Variants in SERPINB8 observed in about 807,000 individuals in gnomAD.
The protein encoded by SERPINB8 is serpin family B member 8.
Under a neutral mutation model 35.3 loss-of-function variants are expected in SERPINB8, and 25 were observed. That is an observed-to-expected ratio of 0.71 (90% confidence interval 0.52 to 0.99). SERPINB8 has a LOEUF of 0.99. SERPINB8 is among the 50% of genes least tolerant of loss of function. SERPINB8 has a pLI of 0.00. For missense variants in SERPINB8, 484 were observed against 446.5 expected, an observed-to-expected ratio of 1.08 and a Z score of -0.76; for synonymous variants, 186 against 160.8, an observed-to-expected ratio of 1.16 and a Z score of -1.19.
chr18:63,981,708 T>C lies in SERPINB8; in HGVS notation c.307-13T>C. The C allele has an allele frequency of 6.4e-7, 1 of 1,562,874 alleles. No individual in the cohort carries two copies. Reference sequence around the variant, plus strand: ...TACCAAATGAGACTAAACTCAGTGTTTTGTGTTTGCAGGACTTTAAAGAAT... The same window carrying C: ...TACCAAATGAGACTAAACTCAGTGTCTTGTGTTTGCAGGACTTTAAAGAAT... On this transcript the variant is annotated splice_polypyrimidine_tract_variant and intron_variant, in intron 3 of 6. Transcript: ENST00000397985.
At chr18:63,985,014 G>C (rs1309506841) in intron 5 of SERPINB8, 79 bp from the exon 6 acceptor site, 2 of 1,438,006 alleles carry the variant, frequency 1.4e-6, no homozygotes, top group East Asian at 4.6e-5. Flanking sequence ...CACACCTAGA[G>C]TTTCTGTGAG....
intron 1 of SERPINB8, among the ~76,000 whole-genome samples, chr18:63,976,750 A>C (rs1334657284): frequency 6.6e-6 from 1 of 152,210 alleles, no homozygotes; most frequent in Non-Finnish European, 1.5e-5. Context: ...AGGAGGATCC[A>C]AAAATCAATG....
downstream of SERPINB8, among the ~76,000 whole-genome samples, chr18:63,993,813 G>C (rs2050835824): frequency 6.6e-6 from 1 of 152,222 alleles, no homozygotes; most frequent in Non-Finnish European, 1.5e-5. Flanking sequence ...GCATTGAAGT[G>C]TCCAGTGGGA....
intron 1 of SERPINB8, among the ~76,000 whole-genome samples, chr18:63,971,154 T>A (rs2050472399): frequency 6.6e-6 from 1 of 152,180 alleles, no homozygotes; most frequent in Non-Finnish European, 1.5e-5. Context: ...GGTCTCAGTC[T>A]CCGTTTCGCG....
chr18:63,986,927 G>T lies in SERPINB8; in HGVS notation c.774G>T (p.Lys258Asn). 2 of 1,613,778 alleles carry T rather than the reference G, an allele frequency of 1.2e-6. No individual in the cohort carries two copies. The highest frequency in any genetic ancestry group is 1.7e-6 in the Non-Finnish European group (2 of 1,179,940). Reference sequence around the variant, plus strand: ...TCAAAGCCTGGACAAATTCAGAAAAGTTGACAAAAAGTAAGGTTCAAGTTT... The same window carrying T: ...TCAAAGCCTGGACAAATTCAGAAAATTTGACAAAAAGTAAGGTTCAAGTTT... ...EKFKAWTNSE[K>N]LTKSKVQVFL... is the part of the protein sequence containing the mutation. The change falls in exon 7 of 7, where the codon AAG (lysine) becomes AAT (asparagine). Residue 258 changes from lysine to asparagine, a missense_variant. Lys to Asn is a moderately conservative substitution (Grantham distance 94). Transcript: ENST00000397985.
chr18:63,982,491 G>A (rs776101212), intron 4 of SERPINB8, among the ~76,000 whole-genome samples: 3 of 152,240 alleles, frequency 2.0e-5, no homozygotes, highest in Middle Eastern at 3.4e-3. Flanking sequence ...ACTTGTAAAC[G>A]GTGGAGGAAT....
intron 1 of SERPINB8, among the ~76,000 whole-genome samples, chr18:64,003,753 G>A (rs934305922): frequency 1.3e-5 from 2 of 152,128 alleles, no homozygotes; most frequent in African/African-American, 4.8e-5. Flanking sequence ...TCCAGTGTCA[G>A]GCAGGTGAAA....
At chr18:63,994,969 G>T (rs1308161796) in intron 1 of SERPINB8, among the ~76,000 whole-genome samples, 2 of 152,128 alleles carry the variant, frequency 1.3e-5, no homozygotes, top group Non-Finnish European at 2.9e-5. Flanking sequence ...AGGCAAAGAT[G>T]ACTATCCGGC....
chr18:63,987,096 C>T lies in SERPINB8; in HGVS notation c.943C>T (p.His315Tyr), dbSNP rs767242747. The T allele has an allele frequency of 2.5e-6, 4 of 1,614,040 alleles. No individual in the cohort carries two copies. Among genetic ancestry groups the T allele is most frequent in the Non-Finnish European group, 2.5e-6 (3 of 1,180,044 alleles). ...GAATGTGCCTCTGTCCAAGGTTGCC[C>T]ACAAGTGCTTCGTGGAGGTCAATGA... Reference protein sequence around the residue: ...EKNVPLSKVAHKCFVEVNEEG... With the variant: ...EKNVPLSKVAYKCFVEVNEEG... The change falls in exon 7 of 7, where the codon CAC (histidine) becomes TAC (tyrosine). Residue 315 changes from histidine to tyrosine, a missense_variant. His to Tyr is a moderately conservative substitution (Grantham distance 83, BLOSUM62 2). Transcript: ENST00000397985.
In SERPINB8 at chr18:63,970,791, C is replaced by A. The variant is rs149964033; in HGVS notation, c.-11+621C>A. On this transcript the variant is annotated intron_variant, in intron 1 of 6. Transcript: ENST00000397985. ...CTTCTCCTTCCCTTCCTGTCCCCCCCCTCCGTTCTTTCCACCCCTGCCTTC... is the reference window on the plus strand; with the variant it reads ...CTTCTCCTTCCCTTCCTGTCCCCCCACTCCGTTCTTTCCACCCCTGCCTTC... 1.6e-3 allele frequency among the ~76,000 whole-genome samples: 240 copies of A among 152,290 alleles called. 1 individual carries two copies. Among genetic ancestry groups the A allele is most frequent in the African/African-American group, 5.1e-3 (210 of 41,570 alleles).
At chr18:64,003,142 C>T (rs1408437607) in intron 1 of SERPINB8, among the ~76,000 whole-genome samples, 1 of 152,224 alleles carries the variant, frequency 6.6e-6, no homozygotes, top group Non-Finnish European at 1.5e-5. Context: ...TAAGTGCAAG[C>T]ACTTCTTGTC....
At chr18:64,006,519 C>A (rs2050900748), downstream of SERPINB8, among the ~76,000 whole-genome samples, 1 of 152,094 alleles carries the variant, frequency 6.6e-6, no homozygotes, top group African/African-American at 2.4e-5. Context: ...GGAAGAGGGT[C>A]CTCTCTAGAA....
At position 64,014,043 on chromosome 18, in the gene SERPINB8, AG is replaced by A. The variant is rs2050938276; in HGVS notation, c.*3-4865del. Among the ~76,000 whole-genome samples, 7 of 152,338 alleles carry A rather than the reference AG, an allele frequency of 4.6e-5. No homozygotes were observed. The South Asian group carries it at 1.4e-3, about 32-fold the overall frequency. ...AAACACTTAAATTTGCAGTGTCTAA[AG>A]GTAATTTGGACTACTATATGGAGAA... On this transcript the variant is annotated intron_variant, in intron 7 of 7. Transcript: ENST00000636430.
downstream of SERPINB8, among the ~76,000 whole-genome samples, chr18:63,991,569 T>C (rs536253653): frequency 1.3e-5 from 2 of 152,314 alleles, no homozygotes; most frequent in Non-Finnish European, 2.9e-5. Context: ...CAGCCTTATA[T>C]CTTGCAAACT....
chr18:63,998,652 GCAAAT>G (rs2050860984), intron 1 of SERPINB8, among the ~76,000 whole-genome samples: 1 of 152,052 alleles, frequency 6.6e-6, no homozygotes. Flanking sequence ...AAAATTATTG[GCAAAT>G]CAGTTTCCAT....
chr18:63,983,485 C>G (rs1471545647), intron 4 of SERPINB8, 94 bp from the exon 5 acceptor site: 37 of 1,235,770 alleles, frequency 3.0e-5, no homozygotes, highest in Non-Finnish European at 4.1e-5. Context: ...CAGCCTGTCT[C>G]TCAACCAAGC....
chr18:64,001,404 C>T (rs1440611762), intron 1 of SERPINB8, among the ~76,000 whole-genome samples: 7 of 152,066 alleles, frequency 4.6e-5, no homozygotes, highest in African/African-American at 1.7e-4. Flanking sequence ...AGAGTGGGGA[C>T]CTAAGGCACT....
At chr18:64,014,461 A>G (rs2050940477) in intron 7 of SERPINB8, among the ~76,000 whole-genome samples, 1 of 151,970 alleles carries the variant, frequency 6.6e-6, no homozygotes, top group Non-Finnish European at 1.5e-5. Context: ...CTTGGGAGAG[A>G]ATTCTAGATG....
chr18:63,985,084 T>C lies in SERPINB8; in HGVS notation c.568-9T>C. On this transcript the variant is annotated splice_polypyrimidine_tract_variant and intron_variant, in intron 5 of 6. Coordinates refer to ENST00000397985, the MANE Select transcript of SERPINB8 (RefSeq NM_002640.4). ...CTTTTCAGTAATCGAACTTTAATTT[T>C]TCCGTTAGGAAAAAAAGACAGTGCA... The C allele has an allele frequency of 6.2e-7, 1 of 1,612,912 alleles. No homozygotes were observed. Among genetic ancestry groups the C allele is most frequent in the Non-Finnish European group, 8.5e-7 (1 of 1,179,228 alleles).
Sources: allele counts gnomAD v4.1 joint callset (sites outside exome capture counted in the v4.1 genomes callset), GRCh38; gene constraint gnomAD v4.1.1; transcripts MANE v1.5; gene names NCBI Gene and HGNC (gene_info 2026-07-23, HGNC 2026-07-21).